CRTAC1: variants seen among roughly 807,000 people sequenced by gnomAD.
The protein encoded by CRTAC1 is acidic secreted protein in cartilage.
In CRTAC1, 37 loss-of-function variants were observed where a neutral mutation model predicts 67.8. The observed-to-expected ratio is 0.55, with a 90% CI of 0.42 to 0.72. CRTAC1 has a LOEUF of 0.72. CRTAC1 is among the 30% of genes least tolerant of loss of function. The pLI is 0.00. For missense variants in CRTAC1, 780 were observed against 931.6 expected, an observed-to-expected ratio of 0.84 and a Z score of 2.12; for synonymous variants, 348 against 371.0, an observed-to-expected ratio of 0.94 and a Z score of 0.71.
chr10:97,910,278 A>T (rs529388813), intron 5 of CRTAC1, among the ~76,000 whole-genome samples: 7 of 152,238 alleles, frequency 4.6e-5, no homozygotes, highest in Non-Finnish European at 7.3e-5. Context: ...CAATGTCTAC[A>T]TTATTTCAAA....
At chr10:97,942,772 G>T in intron 2 of CRTAC1, among the ~76,000 whole-genome samples, 1 of 136,298 alleles carries the variant, frequency 7.3e-6, no homozygotes. Context: ...ATTAAAAAGT[G>T]AAAAAAAAAA....
chr10:98,022,154 G>C (rs113515537), intron 1 of CRTAC1, among the ~76,000 whole-genome samples: 1 of 152,032 alleles, frequency 6.6e-6, no homozygotes, highest in African/African-American at 2.4e-5. Flanking sequence ...TCAGGAGTTT[G>C]AGACCAGCCT....
In CRTAC1 at chr10:98,029,493, C is replaced by CGGCGGCGGT. The variant is rs1843316457; in HGVS notation, c.24+955_24+956insACCGCCGCC. Among the ~76,000 whole-genome samples, 1 of 130,382 alleles carries CGGCGGCGGT rather than the reference C, an allele frequency of 7.7e-6. No individual in the cohort carries two copies. Among genetic ancestry groups the CGGCGGCGGT allele is most frequent in the Non-Finnish European group, 1.6e-5 (1 of 62,532 alleles). The allele number at this position is 130,382 out of a possible 152,430, so 85.5% of individuals were successfully genotyped here. On this transcript the variant is annotated intron_variant, in intron 1 of 14. Transcript: ENST00000370597. The surrounding 1 kb of genome is among the most constrained non-coding windows in gnomAD (Gnocchi z 4.7). ...TGGGTGCACCCACCAGCAGCAGCAGCGGCGGCGGCGGCGGCGGCGGCGGCG... is the reference window on the plus strand; with the variant it reads ...TGGGTGCACCCACCAGCAGCAGCAGCGGCGGCGGTGGCGGCGGCGGCGGCGGCGGCGGCG...
intron 11 of CRTAC1, among the ~76,000 whole-genome samples, chr10:97,889,442 G>A (rs2050333448): frequency 7.1e-6 from 1 of 140,388 alleles, no homozygotes; most frequent in Non-Finnish European, 1.6e-5. Flanking sequence ...AAGAGGGGCT[G>A]TGGAACTTGG....
intron 1 of CRTAC1, among the ~76,000 whole-genome samples, chr10:98,026,635 C>T (rs149726715): frequency 0.011 from 1,654 of 152,200 alleles, 30 homozygotes; most frequent in African/African-American, 0.034. Context: ...CTGCACCTCC[C>T]TCCTCCCGCT....
chr10:97,878,748 T>G (rs2050175375), intron 14 of CRTAC1: 1 of 1,294,058 alleles, frequency 7.7e-7, no homozygotes, highest in Non-Finnish European at 1.0e-6. Context: ...CATTGAGGAG[T>G]CTTAGAAAGG....
At chr10:97,910,473 G>A (rs555425455) in intron 5 of CRTAC1, among the ~76,000 whole-genome samples, 6 of 152,158 alleles carry the variant, frequency 3.9e-5, no homozygotes, top group African/African-American at 7.2e-5. Context: ...GTTTATGTGC[G>A]CATTAAAGTT....
In CRTAC1 at chr10:97,950,244, C is replaced by CAGAG. The variant is rs1291012749; in HGVS notation, c.225-13879_225-13878insCTCT. 6.1e-3 allele frequency among the ~76,000 whole-genome samples: 687 copies of CAGAG among 111,996 alleles called. 3 individuals carry two copies. The highest frequency in any genetic ancestry group is 0.025 in the African/African-American group (621 of 25,286). 73.5% of individuals were successfully genotyped at this position (111,996 alleles called of 152,430 possible). ...TTTTGCATGTACGTGCACACACACA[C>CAGAG]ACAGAGAGAGAGAGAGAGAGAGAGA... On this transcript the variant is annotated intron_variant, in intron 2 of 14. Coordinates refer to ENST00000370597, the MANE Select transcript of CRTAC1 (RefSeq NM_018058.7).
At chr10:97,918,256 C>A (rs2050787417) in intron 4 of CRTAC1, among the ~76,000 whole-genome samples, 1 of 152,184 alleles carries the variant, frequency 6.6e-6, no homozygotes, top group African/African-American at 2.4e-5. Flanking sequence ...AAGATAATAT[C>A]ACTTCTGTCT....
At position 97,865,600 on chromosome 10, in the gene CRTAC1, C is replaced by A. The variant is rs2050011109; in HGVS notation, c.1934G>T (p.Gly645Val). 6.2e-7 allele frequency: 1 copy of A among 1,613,544 alleles called. No homozygotes were observed. The highest frequency in any genetic ancestry group is 1.7e-5 in the Admixed American group (1 of 60,006). Residue 645 changes from glycine to valine, a missense_variant, in exon 15 of 15, where the codon GGA (glycine) becomes GTA (valine). Gly to Val is a moderately radical substitution (Grantham distance 109, BLOSUM62 -3). Coordinates refer to ENST00000370597, the MANE Select transcript of CRTAC1 (RefSeq NM_018058.7). Reference protein sequence around the residue: ...AATAAPVLVDGDLNLGSVVKE... With the variant: ...AATAAPVLVDVDLNLGSVVKE... ...AACCACCGACCCCAGATTGAGATCT[C>A]CATCTACGAGGACCGGTGCAGCAGT... is the stretch of plus-strand genomic sequence containing the variant.
In CRTAC1 at chr10:97,917,630, A is replaced by C; in HGVS notation, c.585T>G (p.Ile195Met). The change falls in exon 5 of 15, where the codon ATT becomes ATG. Residue 195 changes from isoleucine (I) to methionine (M), a missense_variant. By Grantham distance (10) the Ile-to-Met change is conservative. Coordinates refer to ENST00000370597, the MANE Select transcript of CRTAC1 (RefSeq NM_018058.7). ...RKGSGRYSIY[I>M]ANYAYGNVGP... ...CCACATTACCGTAGGCGTAATTGGC[A>C]ATGTAGATAGAGTAGCGTCCAGAGC... The C allele has an allele frequency of 1.9e-6, 3 of 1,596,218 alleles. No homozygotes were observed. The highest frequency in any genetic ancestry group is 2.6e-6 in the Non-Finnish European group (3 of 1,168,862).
chr10:97,868,735 A>C (rs1244215379), intron 14 of CRTAC1: 1 of 152,234 alleles, frequency 6.6e-6, no homozygotes, highest in Non-Finnish European at 1.5e-5. Context: ...ATCCAAACTC[A>C]GCTCTTCTAG....
At chr10:97,937,294 A>G (rs1474021589) in intron 2 of CRTAC1, among the ~76,000 whole-genome samples, 7 of 151,562 alleles carry the variant, frequency 4.6e-5, no homozygotes, top group Admixed American at 4.6e-4. Context: ...TCCCTCCTTC[A>G]TCTCCTTTAA....
intron 2 of CRTAC1, among the ~76,000 whole-genome samples, chr10:97,967,130 A>G (rs970553775): frequency 1.3e-5 from 2 of 151,884 alleles, no homozygotes; most frequent in East Asian, 1.9e-4. Flanking sequence ...TATCTGGGAG[A>G]TTTGTCTATT....
At chr10:97,874,219 G>C (rs1329828354) in intron 14 of CRTAC1, among the ~76,000 whole-genome samples, 1 of 152,206 alleles carries the variant, frequency 6.6e-6, no homozygotes, top group Admixed American at 6.5e-5. Flanking sequence ...TGAAAAGGAG[G>C]GAAGAGGACT....
At chr10:97,904,364 T>G (rs1329611168) in intron 7 of CRTAC1, among the ~76,000 whole-genome samples, 1 of 152,176 alleles carries the variant, frequency 6.6e-6, no homozygotes, top group Non-Finnish European at 1.5e-5. Flanking sequence ...GGGGCACCCC[T>G]GCAGTGGTGC....
At position 97,923,293 on chromosome 10, in the gene CRTAC1, C is replaced by A. The variant is rs2050866886; in HGVS notation, c.529G>T (p.Gly177Ter). The change falls in exon 4 of 15, where the codon GGA becomes TGA. Residue 177 changes from glycine to a stop codon, truncating the protein, a stop_gained. Coordinates refer to ENST00000370597, the MANE Select transcript of CRTAC1 (RefSeq NM_018058.7). LOFTEE classifies it high-confidence loss of function. ...CTGTCCACACAGGCCACAGAGCGTC[C>A]GGCAAAGAGGCTGGCCACACCACGG... ...VARGVASLFA[G>*]RSVACVDRKG... 1.9e-6 allele frequency: 3 copies of A among 1,614,126 alleles called. No homozygotes were observed. In the East Asian group the frequency reaches 6.7e-5, roughly 36 times the overall value.
chr10:97,868,116 G>A (rs1023318466), intron 14 of CRTAC1: 3 of 152,202 alleles, frequency 2.0e-5, no homozygotes, highest in South Asian at 2.1e-4. Context: ...ATCACTTCTC[G>A]GCCTTTTGGC....
intron 2 of CRTAC1, among the ~76,000 whole-genome samples, chr10:97,961,618 T>C (rs972880403): frequency 3.3e-5 from 5 of 152,212 alleles, no homozygotes; most frequent in African/African-American, 9.6e-5. Context: ...TTAACCTCTA[T>C]AGGGCCTTAT....
Sources: allele counts gnomAD v4.1 joint callset (sites outside exome capture counted in the v4.1 genomes callset), GRCh38; gene constraint gnomAD v4.1.1; non-coding constraint Gnocchi (gnomAD v3.1); transcripts MANE v1.5; gene names NCBI Gene and HGNC (gene_info 2026-07-23, HGNC 2026-07-21).